The following ABCC9 variants were observed in gnomAD, a reference collection of about 807,000 sequenced individuals.
The protein encoded by ABCC9 is ATP binding cassette subfamily C member 9, also known as ATP-binding cassette sub-family C member 9.
ABCC9 carries 95 observed loss-of-function variants against 188.3 expected under a neutral mutation model. The ratio of observed to expected loss-of-function variants is 0.50; its 90% CI spans 0.43 to 0.60. ABCC9 has a LOEUF of 0.60. Ranked by LOEUF, ABCC9 falls within the 20% of genes least tolerant of loss-of-function variation. The pLI, the probability that ABCC9 is intolerant of heterozygous loss-of-function variation, is 0.00. For missense variants in ABCC9, 1,102 were observed against 1,876.3 expected (o/e 0.59, Z 7.62); for synonymous variants, 659 against 652.7 (o/e 1.01, Z -0.15).
intron 12 of ABCC9, among the ~76,000 whole-genome samples, chr12:21,905,020 G>T (rs1051700783): frequency 6.6e-6 from 1 of 152,120 alleles, no homozygotes; most frequent in African/African-American, 2.4e-5. Context: ...CAAAGACTTG[G>T]ACCAACCCAA....
chr12:21,818,030 C>T, intron 32 of ABCC9, 120 bp downstream of exon 32: 1 of 567,270 alleles, frequency 1.8e-6, no homozygotes, highest in Non-Finnish European at 3.3e-6. Flanking sequence ...CCCCAATAGG[C>T]CCTGGTATGT....
chr12:21,844,549 A>G lies in ABCC9; in HGVS notation c.3249T>C (p.Phe1083=), dbSNP rs1944537521. ...TCAGTCCCAGGGGTGTGGTATCAAA[A>G]AACCTAGGCAATAAACAGATGGAAG... is the stretch of plus-strand genomic sequence containing the variant. ...LNKIILGPIR[F]FDTTPLGLIL... is the part of the protein sequence containing the mutation. Residue 1083 remains phenylalanine (F), a synonymous_variant, in exon 28 of 40, where the codon TTT becomes TTC. Transcript: ENST00000261200. The G allele has an allele frequency of 8.7e-6, 14 of 1,613,524 alleles. No individual in the cohort carries two copies. The highest frequency in any genetic ancestry group is 1.2e-5 in the Non-Finnish European group (14 of 1,179,498).
At chr12:21,817,506 G>T (rs1942723275) in intron 32 of ABCC9, among the ~76,000 whole-genome samples, 199 bp from the exon 33 acceptor site, 1 of 152,102 alleles carries the variant, frequency 6.6e-6, no homozygotes. Flanking sequence ...TCCTTCAAGG[G>T]TCCATAACTG....
Position 21,923,782 on chromosome 12 carries a change from G to A in ABCC9, c.406+2160C>T, listed in dbSNP as rs374480653. On this transcript the variant is annotated intron_variant, in intron 5 of 39. Coordinates refer to ENST00000261200, the MANE Select transcript of ABCC9 (RefSeq NM_020297.4). ...GATTTCACTCTTAGGTATTTACCTA[G>A]GAGAAATAAATGCATATAGCCACAA... The A allele has an allele frequency of 3.9e-3, 2,685 of 695,738 alleles. 55 individuals are homozygous for A. Among genetic ancestry groups the A allele is most frequent in the South Asian group, 0.032 (2,135 of 66,112 alleles). The allele number at this position is 695,738 out of a possible 1,614,324, so 43.1% of individuals were successfully genotyped here. A position where few individuals can be genotyped will look rare whatever the true frequency, so the allele number is the denominator to read the frequency against.
intron 31 of ABCC9, among the ~76,000 whole-genome samples, chr12:21,823,740 G>C (rs898334784): frequency 6.6e-6 from 1 of 152,198 alleles, no homozygotes; most frequent in Non-Finnish European, 1.5e-5. Context: ...AAGGGATGAA[G>C]AGAAAAGACT....
chr12:21,819,956 T>G (rs905121146), intron 31 of ABCC9, among the ~76,000 whole-genome samples: 15 of 152,158 alleles, frequency 9.9e-5, no homozygotes, highest in Non-Finnish European at 2.2e-4. Context: ...GACTGTTCTT[T>G]CTCTTTTCCT....
intron 7 of ABCC9, among the ~76,000 whole-genome samples, chr12:21,914,087 T>C (rs1948436081): frequency 6.6e-6 from 1 of 152,178 alleles, no homozygotes; most frequent in Admixed American, 6.5e-5. Context: ...TGTAACCTTT[T>C]CCTGCCATTT....
intron 18 of ABCC9, among the ~76,000 whole-genome samples, chr12:21,866,632 C>T (rs1945796865): frequency 6.6e-6 from 1 of 152,150 alleles, no homozygotes; most frequent in South Asian, 2.1e-4. Flanking sequence ...TGGTGTGCAA[C>T]AAATATTTTT....
At chr12:21,834,786 TACACACACACACACACAC>T (rs61211269) in intron 30 of ABCC9, among the ~76,000 whole-genome samples, 28 of 141,602 alleles carry the variant, frequency 2.0e-4, no homozygotes, top group Admixed American at 7.2e-4. Context: ...TATAACATTA[TACACACACACACACACAC>T]ACACACACAC....
At position 21,850,325 on chromosome 12, in the gene ABCC9, G is replaced by A. The variant is rs1235125056; in HGVS notation, c.2769+1772C>T. On this transcript the variant is annotated intron_variant, in intron 24 of 39. Transcript: ENST00000261200. ...TGTACAAAAACTTCCCCAAGGTATC[G>A]TAGTGGTCTTGTTCACAGTGTGATT... 4.6e-5 allele frequency among the ~76,000 whole-genome samples: 7 copies of A among 152,116 alleles called. No homozygotes were observed. The South Asian group carries it at 6.2e-4, about 14-fold the overall frequency.
At position 21,909,964 on chromosome 12, in the gene ABCC9, A is replaced by T. The variant is rs74067859; in HGVS notation, c.1320+193T>A. Among the ~76,000 whole-genome samples, 2,388 of 152,046 alleles carry T rather than the reference A, an allele frequency of 0.016. 35 individuals are homozygous for T. Among genetic ancestry groups the T allele is most frequent in the Middle Eastern group, 0.058 (17 of 294 alleles). ...GGGGTAGGGCAGATATTTGAACTCA[A>T]GCAGTATAATTTCAAACTTCTCTTG... On this transcript the variant is annotated intron_variant, in intron 10 of 39. Coordinates refer to ENST00000261200, the MANE Select transcript of ABCC9 (RefSeq NM_020297.4).
intron 7 of ABCC9, among the ~76,000 whole-genome samples, chr12:21,913,273 TAATAA>T (rs1175994294): frequency 9.2e-5 from 14 of 152,284 alleles, no homozygotes; most frequent in Non-Finnish European, 1.5e-4. Flanking sequence ...GAATGCATTT[TAATAA>T]AATAGAGAGA....
chr12:21,818,029 G>T, intron 32 of ABCC9, 121 bp downstream of exon 32: 1 of 781,284 alleles, frequency 1.3e-6, no homozygotes, highest in Non-Finnish European at 2.2e-6. Context: ...CCCCCAATAG[G>T]CCCTGGTATG....
intron 5 of ABCC9, among the ~76,000 whole-genome samples, chr12:21,920,009 G>A (rs908294712): frequency 1.3e-5 from 2 of 151,784 alleles, no homozygotes; most frequent in African/African-American, 4.8e-5. Flanking sequence ...AATGGATACA[G>A]GAAAAAAACT....
chr12:21,852,449 C>T lies in ABCC9; in HGVS notation c.2562G>A (p.Gly854=). ...IHLSDHLMQE[G]ILKFLQDDKR... ...TGTCATCTTGCAGGAATTTCAAAAT[C>T]CCCTCCTGCATTAAATGATCACTCA... Residue 854 remains glycine, a synonymous_variant, in exon 23 of 40, where the codon GGG becomes GGA. Coordinates refer to ENST00000261200, the MANE Select transcript of ABCC9 (RefSeq NM_020297.4). The T allele has an allele frequency of 6.2e-7, 1 of 1,613,594 alleles. No individual in the cohort carries two copies. The highest frequency in any genetic ancestry group is 8.5e-7 in the Non-Finnish European group (1 of 1,179,880).
At position 21,908,217 on chromosome 12, in the gene ABCC9, G is replaced by A. The variant is rs753235310; in HGVS notation, c.1321-6C>T. ...AGAATCACGCCCATTATGATCTAGA[G>A]AGAAAAACACATGGAAAAGAGAAGA... On this transcript the variant is annotated splice_region_variant and splice_polypyrimidine_tract_variant and intron_variant, in intron 10 of 39. Transcript: ENST00000261200. 2 of 1,612,162 alleles carry A rather than the reference G, an allele frequency of 1.2e-6. No individual in the cohort carries two copies. Among genetic ancestry groups the A allele is most frequent in the Admixed American group, 3.3e-5 (2 of 59,822 alleles).
In ABCC9 at chr12:21,814,684, C is replaced by A; in HGVS notation, c.4062G>T (p.Ser1354=). 6.2e-7 allele frequency: 1 copy of A among 1,613,936 alleles called. No homozygotes were observed. Among genetic ancestry groups the A allele is most frequent in the Non-Finnish European group, 8.5e-7 (1 of 1,179,930 alleles). ...CCATTCTGAAGAAAGCCAGAGATAACGATGATTTCCCACTGCCAGTGCGAC... is the reference window on the plus strand; with the variant it reads ...CCATTCTGAAGAAAGCCAGAGATAAAGATGATTTCCCACTGCCAGTGCGAC... ...ICGRTGSGKS[S]LSLAFFRMVD... is the part of the protein sequence containing the mutation. The change falls in exon 35 of 40, where the codon TCG becomes TCT. Residue 1354 remains serine (S), a synonymous_variant. Transcript: ENST00000261200.
At position 21,941,344 on chromosome 12, in the gene ABCC9, A is replaced by T. The variant is rs1011928894; in HGVS notation, c.-281T>A. 2 of 152,396 alleles carry T rather than the reference A, an allele frequency of 1.3e-5. No homozygotes were observed. Among genetic ancestry groups the T allele is most frequent in the Non-Finnish European group, 2.9e-5 (2 of 68,172 alleles). The allele number at this position is 152,396 out of a possible 1,614,324, so 9.4% of individuals were successfully genotyped here. A position where few individuals can be genotyped will look rare whatever the true frequency, so the allele number is the denominator to read the frequency against. On this transcript the variant is annotated 5_prime_UTR_variant, in exon 1 of 40. Transcript: ENST00000261200. This position sits in a 1 kb window ranked among gnomAD's most constrained non-coding sequence, Gnocchi z 5.4. ...TGGGCCGGGGCAGACACCGCGGCTGAGAAGCAGGAAACTGGGCAGAAGCCC... is the reference window on the plus strand; with the variant it reads ...TGGGCCGGGGCAGACACCGCGGCTGTGAAGCAGGAAACTGGGCAGAAGCCC...
intron 22 of ABCC9, among the ~76,000 whole-genome samples, chr12:21,858,811 C>A (rs555130806): frequency 6.6e-6 from 1 of 152,196 alleles, no homozygotes; most frequent in East Asian, 1.9e-4. Flanking sequence ...AGTGAAGACT[C>A]TAAAAATGTT....
Sources: gnomAD v4.1 joint callset for allele counts (sites outside exome capture counted in the v4.1 genomes callset) on GRCh38, gnomAD v4.1.1 for gene constraint, Gnocchi (gnomAD v3.1) non-coding constraint, MANE v1.5 for transcripts, NCBI Gene and HGNC (gene_info 2026-07-23, HGNC 2026-07-21) for gene names.